PSPC1: variants seen among roughly 807,000 people sequenced by gnomAD.
PSPC1 encodes paraspeckle protein 1.
PSPC1 carries 14 observed loss-of-function variants against 51.6 expected under a neutral mutation model. The observed-to-expected ratio is 0.27, with a 90% CI of 0.18 to 0.42. The LOEUF (loss-of-function observed/expected upper bound fraction) is 0.42, where lower values mean the gene tolerates loss of function less well. Among genes scored for constraint, PSPC1 ranks in the 10% least tolerant of loss-of-function variants. The probability of loss-of-function intolerance (pLI) is 1.00; values close to 1 mark genes in which losing one functional copy is unlikely to be tolerated. For missense variants in PSPC1, 406 were observed against 701.1 expected (o/e 0.58, Z 4.75); for synonymous variants, 193 against 231.9 (o/e 0.83, Z 1.53).
At chr13:19,677,201 C>G (rs939476033) in intron 7 of PSPC1, among the ~76,000 whole-genome samples, 7 of 149,800 alleles carry the variant, frequency 4.7e-5, no homozygotes, top group Non-Finnish European at 1.0e-4. Flanking sequence ...CCACTGCACT[C>G]CAGCCTGGGC....
At chr13:19,680,711 G>A (rs1203789355) in intron 6 of PSPC1, among the ~76,000 whole-genome samples, 2 of 152,118 alleles carry the variant, frequency 1.3e-5, no homozygotes, top group Non-Finnish European at 2.9e-5. Flanking sequence ...GAACACAGGT[G>A]GTCTGTCTTT....
At chr13:19,760,575 C>T (rs144926215) in intron 2 of PSPC1, among the ~76,000 whole-genome samples, 216 of 151,558 alleles carry the variant, frequency 1.4e-3, no homozygotes, top group African/African-American at 5.0e-3. Flanking sequence ...TAAAACATTT[C>T]GGCGAAGTGG....
At chr13:19,753,548 G>C (rs1886779174) in intron 3 of PSPC1, among the ~76,000 whole-genome samples, 1 of 152,166 alleles carries the variant, frequency 6.6e-6, no homozygotes, top group Non-Finnish European at 1.5e-5. Context: ...AGAAATTTCT[G>C]CATAAATATC....
chr13:19,748,758 A>G (rs1229431528), intron 4 of PSPC1, among the ~76,000 whole-genome samples: 5 of 148,804 alleles, frequency 3.4e-5, no homozygotes, highest in African/African-American at 1.2e-4. Context: ...TAGGTGGGAA[A>G]CAAAATGGCA....
rs1270974695 is a variant in PSPC1 at position 19,680,359 on chromosome 13, T to C, written c.1159-2536A>G. ...GGGTCATTTTTTCTTATTACTTCTA[T>C]TCAATATTTGAAAAATTACTAGAGT... On this transcript the variant is annotated intron_variant and NMD_transcript_variant, in intron 6 of 7. Transcript: ENST00000471658. Among the ~76,000 whole-genome samples the C allele has an allele frequency of 7.9e-5, 12 of 152,268 alleles. No individual in the cohort carries two copies. In the East Asian group the frequency reaches 2.1e-3, roughly 27 times the overall value.
At chr13:19,756,660 C>T (rs1191845036) in intron 3 of PSPC1, among the ~76,000 whole-genome samples, 1 of 151,984 alleles carries the variant, frequency 6.6e-6, no homozygotes, top group Non-Finnish European at 1.5e-5. Context: ...CCACCACACC[C>T]GGCTGATTTT....
At chr13:19,750,415 G>C (rs1395719091) in intron 4 of PSPC1, among the ~76,000 whole-genome samples, 1 of 150,816 alleles carries the variant, frequency 6.6e-6, no homozygotes, top group Non-Finnish European at 1.5e-5. Flanking sequence ...CTGGGCAACA[G>C]AGCAAGACTC....
chr13:19,773,217 A>G (rs1358807808), intron 1 of PSPC1, among the ~76,000 whole-genome samples: 1 of 151,712 alleles, frequency 6.6e-6, no homozygotes, highest in Non-Finnish European at 1.5e-5. Context: ...CAACAAAGGA[A>G]TAATTCTCCA....
At chr13:19,779,795 C>T (rs1269840650) in intron 1 of PSPC1, among the ~76,000 whole-genome samples, 10 of 77,826 alleles carry the variant, frequency 1.3e-4, no homozygotes, top group Non-Finnish European at 2.2e-4. Context: ...CGCCTCTGCC[C>T]GGCCGCCCCT....
chr13:19,728,437 TAAACACACACACAC>T (rs1565999318), intron 6 of PSPC1, among the ~76,000 whole-genome samples: 3 of 83,760 alleles, frequency 3.6e-5, no homozygotes, highest in Middle Eastern at 5.9e-3. Flanking sequence ...TTTCAAAGCT[TAAACACACACACAC>T]ACACACACAC....
chr13:19,777,958 C>A (rs1488082464), intron 1 of PSPC1, among the ~76,000 whole-genome samples: 1 of 150,162 alleles, frequency 6.7e-6, no homozygotes, highest in Non-Finnish European at 1.5e-5. Flanking sequence ...AAAAACAGTC[C>A]CTTGGCTGGG....
chr13:19,698,414 C>G (rs1211564627), downstream of PSPC1, among the ~76,000 whole-genome samples: 1 of 151,868 alleles, frequency 6.6e-6, no homozygotes, highest in East Asian at 1.9e-4. Context: ...ACTTATATTA[C>G]TATCAACACA....
In PSPC1 at chr13:19,782,244, A is replaced by G; in HGVS notation, c.372+142T>C. On this transcript the variant is annotated intron_variant, in intron 1 of 8. Transcript: ENST00000338910. The surrounding 1 kb of genome is among the most constrained non-coding windows in gnomAD (Gnocchi z 4.5). ...GAGCTGGGGAAGCGGCCAACCCCGCACAGAGGAATCGATGAGGCCGAGCGG... is the reference window on the plus strand; with the variant it reads ...GAGCTGGGGAAGCGGCCAACCCCGCGCAGAGGAATCGATGAGGCCGAGCGG... The G allele has an allele frequency of 7.6e-7, 1 of 1,323,774 alleles. No individual in the cohort carries two copies. The highest frequency in any genetic ancestry group is 9.9e-7 in the Non-Finnish European group (1 of 1,005,460). 82.0% of individuals were successfully genotyped at this position (1,323,774 alleles called of 1,614,324 possible).
At position 19,759,320 on chromosome 13, in the gene PSPC1, T is replaced by C; in HGVS notation, c.770+3A>G. On this transcript the variant is annotated splice_donor_region_variant and intron_variant, in intron 3 of 8. Transcript: ENST00000338910. The stretch of plus-strand genomic sequence containing the variant: ...CACAAATTATCTATTAATAAAATCT[T>C]ACTTATGATATTGTTGAGTTTTCTG... The C allele has an allele frequency of 1.2e-6, 2 of 1,606,432 alleles. No homozygotes were observed. Among genetic ancestry groups the C allele is most frequent in the Non-Finnish European group, 1.7e-6 (2 of 1,173,032 alleles).
At chr13:19,732,862 G>A (rs1486414817) in intron 5 of PSPC1, among the ~76,000 whole-genome samples, 1 of 151,840 alleles carries the variant, frequency 6.6e-6, no homozygotes, top group Non-Finnish European at 1.5e-5. Context: ...AGGAGGCGGA[G>A]GTTGCAGAGA....
At chr13:19,714,597 C>T (rs1309324724) in intron 6 of PSPC1, among the ~76,000 whole-genome samples, 1 of 94,064 alleles carries the variant, frequency 1.1e-5, no homozygotes, top group African/African-American at 2.7e-5. Context: ...CAGATTCAAG[C>T]AATCCTCCTG....
chr13:19,699,160 T>A (rs537893705), downstream of PSPC1, among the ~76,000 whole-genome samples: 81 of 152,024 alleles, frequency 5.3e-4, no homozygotes, highest in African/African-American at 1.9e-3. Context: ...TTCAAAATAT[T>A]CTCACAACAC....
intron 2 of PSPC1, among the ~76,000 whole-genome samples, chr13:19,760,760 G>A (rs935377381): frequency 3.3e-5 from 5 of 151,560 alleles, no homozygotes; most frequent in African/African-American, 9.7e-5. Flanking sequence ...AGGCTGAGGC[G>A]GGTGGATCAC....
chr13:19,754,689 C>T lies in PSPC1; in HGVS notation c.771-3222G>A, dbSNP rs1468257175. Among the ~76,000 whole-genome samples the T allele has an allele frequency of 5.3e-5, 8 of 150,770 alleles. No individual in the cohort carries two copies. The South Asian group carries it at 6.3e-4, about 12-fold the overall frequency. Reference sequence around the variant, plus strand: ...TCCTGACCTCAGGTGATCCACCCACCTCGGCCTCCCAAAGTGCTGGGATTA... The same window carrying T: ...TCCTGACCTCAGGTGATCCACCCACTTCGGCCTCCCAAAGTGCTGGGATTA... On this transcript the variant is annotated intron_variant, in intron 3 of 8. Coordinates refer to ENST00000338910, the MANE Select transcript of PSPC1 (RefSeq NM_001354909.2).
Sources: allele counts gnomAD v4.1 joint callset (sites outside exome capture counted in the v4.1 genomes callset), GRCh38; gene constraint gnomAD v4.1.1; non-coding constraint Gnocchi (gnomAD v3.1); transcripts MANE v1.5; gene names NCBI Gene and HGNC (gene_info 2026-07-23, HGNC 2026-07-21).